The following ADARB2 variants were observed in gnomAD, a reference collection of about 807,000 sequenced individuals.
ADARB2 encodes adenosine deaminase RNA specific B2 (inactive), also known as inactive double-stranded RNA-specific editase B2.
ADARB2 carries 25 observed loss-of-function variants against 62.2 expected under a neutral mutation model. The ratio of observed to expected loss-of-function variants is 0.40; its 90% CI spans 0.29 to 0.56. ADARB2 has a LOEUF of 0.56. Ranked by LOEUF, ADARB2 falls within the 20% of genes least tolerant of loss-of-function variation. The pLI is 0.43. For synonymous variants in ADARB2, 572 were observed against 500.8 expected (o/e 1.14, Z -1.90); for missense variants, 1,071 against 1,077.4 (o/e 0.99, Z 0.08).
intron 4 of ADARB2, among the ~76,000 whole-genome samples, chr10:1,266,389 C>T (rs200999613): frequency 2.4e-3 from 367 of 152,124 alleles, no homozygotes; most frequent in Middle Eastern, 6.8e-3. Flanking sequence ...GGGAGAATGC[C>T]TGAGGGTGGA....
chr10:1,356,252 C>A (rs1311285860), intron 3 of ADARB2, among the ~76,000 whole-genome samples: 1 of 152,168 alleles, frequency 6.6e-6, no homozygotes, highest in African/African-American at 2.4e-5. Flanking sequence ...TGTGTGGCCA[C>A]AAAACCCAGA....
At chr10:1,725,604 G>A (rs1219682202) in intron 1 of ADARB2, among the ~76,000 whole-genome samples, 4 of 152,152 alleles carry the variant, frequency 2.6e-5, no homozygotes, top group South Asian at 2.1e-4. Flanking sequence ...ACCCCACAGC[G>A]GGGGAATTAC....
At chr10:1,277,360 C>T (rs1006131756) in intron 3 of ADARB2, among the ~76,000 whole-genome samples, 1 of 151,932 alleles carries the variant, frequency 6.6e-6, no homozygotes, top group African/African-American at 2.4e-5. Flanking sequence ...AGACCGCTAG[C>T]AAGACTAATA....
At chr10:1,251,191 C>T (rs1209374174) in intron 4 of ADARB2, among the ~76,000 whole-genome samples, 1 of 152,158 alleles carries the variant, frequency 6.6e-6, no homozygotes, top group Non-Finnish European at 1.5e-5. Flanking sequence ...AGATATCTTT[C>T]AGCAGGTGAA....
intron 1 of ADARB2, among the ~76,000 whole-genome samples, chr10:1,432,553 G>A (rs764342203): frequency 1.3e-5 from 2 of 149,240 alleles, no homozygotes; most frequent in African/African-American, 2.5e-5. Flanking sequence ...TAGGATGCAC[G>A]TTCACTTATC....
chr10:1,617,947 TAC>T (rs1833663430), intron 1 of ADARB2, among the ~76,000 whole-genome samples: 2 of 152,254 alleles, frequency 1.3e-5, no homozygotes, highest in African/African-American at 4.8e-5. Context: ...CCCCTCCAAC[TAC>T]AGATTTCCCT....
At chr10:1,227,355 C>T (rs368054848) in intron 6 of ADARB2, among the ~76,000 whole-genome samples, 6 of 152,220 alleles carry the variant, frequency 3.9e-5, no homozygotes, top group Non-Finnish European at 5.9e-5. Context: ...TTGCGCTTCC[C>T]GGGTGAGGCG....
intron 3 of ADARB2, among the ~76,000 whole-genome samples, chr10:1,356,983 C>T (rs557624191): frequency 6.6e-6 from 1 of 152,332 alleles, no homozygotes; most frequent in African/African-American, 2.4e-5. Context: ...CCCCGGATTC[C>T]TGGGCTTTAT....
intron 1 of ADARB2, among the ~76,000 whole-genome samples, chr10:1,513,169 A>G (rs984768000): frequency 4.6e-5 from 7 of 152,252 alleles, no homozygotes; most frequent in African/African-American, 1.7e-4. Flanking sequence ...ATATCAAAAC[A>G]TCGTGTTGTA....
intron 4 of ADARB2, among the ~76,000 whole-genome samples, chr10:1,253,961 G>T (rs1321215375): frequency 6.6e-6 from 1 of 151,912 alleles, no homozygotes; most frequent in Non-Finnish European, 1.5e-5. Flanking sequence ...GATACGGTGG[G>T]TTCTGTGTTT....
chr10:1,366,210 G>A (rs1413338585), intron 2 of ADARB2, among the ~76,000 whole-genome samples: 1 of 152,186 alleles, frequency 6.6e-6, no homozygotes, highest in Non-Finnish European at 1.5e-5. Flanking sequence ...TTCTTTTGCA[G>A]AAAATGCTCT....
intron 1 of ADARB2, among the ~76,000 whole-genome samples, chr10:1,526,147 G>A (rs533497148): frequency 1.3e-5 from 2 of 152,188 alleles, no homozygotes; most frequent in East Asian, 1.9e-4. Flanking sequence ...GGGCGGTCTT[G>A]CACTTGCGCG....
chr10:1,336,189 G>A (rs1421657004), intron 3 of ADARB2, among the ~76,000 whole-genome samples: 4 of 152,134 alleles, frequency 2.6e-5, no homozygotes, highest in Admixed American at 6.6e-5. Context: ...ACAAACAATG[G>A]GATCCTGTAA....
chr10:1,510,112 C>CTTTCTTTCTTTA (rs1831910077), intron 1 of ADARB2, among the ~76,000 whole-genome samples: 1 of 72,646 alleles, frequency 1.4e-5, no homozygotes, highest in African/African-American at 6.5e-5. Flanking sequence ...TTCTTTCTCT[C>CTTTCTTTCTTTA]TTTCTTTCTT....
chr10:1,187,971 C>A (rs1836784739), intron 8 of ADARB2: 1 of 226,226 alleles, frequency 4.4e-6, no homozygotes, highest in Non-Finnish European at 1.0e-5. Flanking sequence ...CTACAACAGC[C>A]CCGCAGGCTA....
At chr10:1,520,041 C>T (rs557064296) in intron 1 of ADARB2, among the ~76,000 whole-genome samples, 1 of 152,168 alleles carries the variant, frequency 6.6e-6, no homozygotes, top group African/African-American at 2.4e-5. Context: ...CTACTGAGCA[C>T]TTGGGAAAAG....
At chr10:1,653,164 C>T (rs992972070) in intron 1 of ADARB2, among the ~76,000 whole-genome samples, 6 of 152,162 alleles carry the variant, frequency 3.9e-5, no homozygotes, top group South Asian at 2.1e-4. Flanking sequence ...AGGGTGTCAG[C>T]GTCCAGGGGA....
chr10:1,204,777 A>G (rs1232381701), intron 7 of ADARB2, among the ~76,000 whole-genome samples: 1 of 152,134 alleles, frequency 6.6e-6, no homozygotes. Context: ...TGTGGTTTAA[A>G]TCTCCTGGCA....
chr10:1,370,654 C>T (rs1335705970), intron 2 of ADARB2, among the ~76,000 whole-genome samples: 1 of 152,154 alleles, frequency 6.6e-6, no homozygotes, highest in Non-Finnish European at 1.5e-5. Flanking sequence ...TTCTATACAT[C>T]AATAATGTTT....
Sources: gnomAD v4.1 joint callset for allele counts (sites outside exome capture counted in the v4.1 genomes callset) on GRCh38, gnomAD v4.1.1 for gene constraint, MANE v1.5 for transcripts, NCBI Gene and HGNC (gene_info 2026-07-23, HGNC 2026-07-21) for gene names.